BNC2: variants seen among roughly 807,000 people sequenced by gnomAD.
BNC2 encodes zinc finger protein basonuclin-2.
A neutral mutation model predicts 76.3 loss-of-function variants in BNC2; 20 were observed. The ratio of observed to expected loss-of-function variants is 0.26; its 90% CI spans 0.18 to 0.38. The LOEUF (loss-of-function observed/expected upper bound fraction) is 0.38, where lower values mean the gene tolerates loss of function less well. Among genes scored for constraint, BNC2 ranks in the 10% least tolerant of loss-of-function variants. The pLI, the probability that BNC2 is intolerant of heterozygous loss-of-function variation, is 1.00. For missense variants in BNC2, 1,382 were observed against 1,399.8 expected (o/e 0.99, Z 0.20); for synonymous variants, 582 against 514.8 (o/e 1.13, Z -1.77).
chr9:16,580,814 ATTAG>A (rs1819611782), intron 4 of BNC2, among the ~76,000 whole-genome samples: 1 of 152,178 alleles, frequency 6.6e-6, no homozygotes, highest in Non-Finnish European at 1.5e-5. Context: ...TTTAATATGT[ATTAG>A]TTAGAAAGGC....
In BNC2 at chr9:16,463,692, G is replaced by A. The variant is rs144839947; in HGVS notation, c.670-26168C>T. ...TAAATTTCCATTTGTTGCAAATGAC[G>A]GTTACATATTAACAATGATAGGAGA... is the stretch of plus-strand genomic sequence containing the variant. On this transcript the variant is annotated intron_variant, in intron 5 of 6. Coordinates refer to ENST00000380672, the MANE Select transcript of BNC2 (RefSeq NM_017637.6). Among the ~76,000 whole-genome samples the A allele has an allele frequency of 4.7e-3, 721 of 152,152 alleles. 5 individuals are homozygous for A. The highest frequency in any genetic ancestry group is 0.017 in the African/African-American group (687 of 41,502).
intron 3 of BNC2, among the ~76,000 whole-genome samples, chr9:16,668,168 C>A (rs891109966): frequency 2.0e-5 from 3 of 152,086 alleles, no homozygotes; most frequent in African/African-American, 7.2e-5. Context: ...AGGAAGGAGA[C>A]CTCACTGGGA....
At chr9:16,676,975 C>A (rs138973146) in intron 3 of BNC2, among the ~76,000 whole-genome samples, 3 of 152,182 alleles carry the variant, frequency 2.0e-5, no homozygotes, top group African/African-American at 2.4e-5. Context: ...TTATCTTGTT[C>A]CAAAATTTTC....
At chr9:16,599,726 T>C (rs1300325809) in intron 3 of BNC2, among the ~76,000 whole-genome samples, 3 of 152,154 alleles carry the variant, frequency 2.0e-5, no homozygotes, top group Admixed American at 1.3e-4. Context: ...GAGGTTGCAG[T>C]GAACCGAGAT....
intron 1 of BNC2, among the ~76,000 whole-genome samples, chr9:16,844,181 G>A (rs146685815): frequency 1.1e-3 from 169 of 151,708 alleles, no homozygotes; most frequent in African/African-American, 3.8e-3. Context: ...ATTACAGACA[G>A]GAGTTTCAAC....
At chr9:16,740,099 G>A (rs1180256858) in intron 1 of BNC2, among the ~76,000 whole-genome samples, 1 of 152,222 alleles carries the variant, frequency 6.6e-6, no homozygotes, top group African/African-American at 2.4e-5. Context: ...GCGTTAACAG[G>A]AGCATCGTGA....
intron 1 of BNC2, among the ~76,000 whole-genome samples, chr9:16,809,537 T>C (rs1356949538): frequency 1.3e-5 from 2 of 152,056 alleles, no homozygotes; most frequent in African/African-American, 4.8e-5. Context: ...CAAACGAGGG[T>C]GTACCTGCTG....
At chr9:16,425,416 C>T (rs1328816739) in intron 6 of BNC2, among the ~76,000 whole-genome samples, 1 of 152,136 alleles carries the variant, frequency 6.6e-6, no homozygotes, top group Non-Finnish European at 1.5e-5. Flanking sequence ...CTGCCATCCC[C>T]GTATGGCCCC....
At chr9:16,491,413 G>C (rs373878617) in intron 5 of BNC2, among the ~76,000 whole-genome samples, 3 of 152,306 alleles carry the variant, frequency 2.0e-5, no homozygotes, top group African/African-American at 7.2e-5. Flanking sequence ...ACAAGATCTG[G>C]TAATGACAAA....
chr9:16,857,946 T>A (rs1819303972), intron 1 of BNC2, among the ~76,000 whole-genome samples: 1 of 152,254 alleles, frequency 6.6e-6, no homozygotes, highest in South Asian at 2.1e-4. Flanking sequence ...CAAGTTTCTC[T>A]AATTCAACGA....
At chr9:16,482,730 A>T (rs1452904017) in intron 5 of BNC2, among the ~76,000 whole-genome samples, 2 of 152,196 alleles carry the variant, frequency 1.3e-5, no homozygotes, top group Non-Finnish European at 2.9e-5. Context: ...TGTGTTTCTA[A>T]TTTAAATGAA....
At chr9:16,792,933 T>C (rs546174182) in intron 1 of BNC2, among the ~76,000 whole-genome samples, 1 of 152,354 alleles carries the variant, frequency 6.6e-6, no homozygotes, top group Non-Finnish European at 1.5e-5. Context: ...AGTGGATTCC[T>C]CTCTAAATAT....
At chr9:16,438,260 G>A (rs756475302) in intron 5 of BNC2, among the ~76,000 whole-genome samples, 2 of 152,130 alleles carry the variant, frequency 1.3e-5, no homozygotes, top group Non-Finnish European at 2.9e-5. Flanking sequence ...TAGACTTAAT[G>A]TATTTGACTT....
chr9:16,418,725 T>G lies in BNC2; in HGVS notation c.*264A>C. On this transcript the variant is annotated 3_prime_UTR_variant, in exon 7 of 7. Coordinates refer to ENST00000380672, the MANE Select transcript of BNC2 (RefSeq NM_017637.6). ...GTGTGTGTGTGTGTGTTTAAAGGGGTACTCTGTTTTCACCCTGAAATCAAA... is the reference window on the plus strand; with the variant it reads ...GTGTGTGTGTGTGTGTTTAAAGGGGGACTCTGTTTTCACCCTGAAATCAAA... The G allele has an allele frequency of 1.3e-5, 6 of 454,082 alleles. No individual in the cohort carries two copies. Among genetic ancestry groups the G allele is most frequent in the Non-Finnish European group, 1.6e-5 (4 of 248,894 alleles). 28.1% of individuals were successfully genotyped at this position (454,082 alleles called of 1,614,324 possible).
At chr9:16,495,360 A>T (rs940478640) in intron 5 of BNC2, among the ~76,000 whole-genome samples, 1 of 152,196 alleles carries the variant, frequency 6.6e-6, no homozygotes, top group Admixed American at 6.5e-5. Context: ...CATGCCATGA[A>T]CTCTGAGGAT....
intron 3 of BNC2, among the ~76,000 whole-genome samples, chr9:16,663,199 G>A (rs545176088): frequency 2.1e-5 from 3 of 142,022 alleles, no homozygotes; most frequent in Non-Finnish European, 3.0e-5. Context: ...GCGCAATCCC[G>A]GCTCACTGCA....
intron 1 of BNC2, among the ~76,000 whole-genome samples, chr9:16,759,954 A>C (rs1303746756): frequency 6.6e-6 from 1 of 152,046 alleles, no homozygotes; most frequent in Non-Finnish European, 1.5e-5. Flanking sequence ...GGATTTCCTG[A>C]CCTCGTGATC....
At chr9:16,801,403 A>AT (rs11413212) in intron 1 of BNC2, among the ~76,000 whole-genome samples, 31,943 of 144,626 alleles carry the variant, frequency 0.22, 3,986 homozygotes, top group Admixed American at 0.37. Context: ...TAATTTTTCT[A>AT]TTTTTTTTTT....
intron 5 of BNC2, among the ~76,000 whole-genome samples, chr9:16,449,994 C>T (rs1397832920): frequency 6.6e-6 from 1 of 152,144 alleles, no homozygotes; most frequent in Non-Finnish European, 1.5e-5. Context: ...CCACACTCTT[C>T]AGCTGGCATC....
Sources: gnomAD v4.1 joint callset for allele counts (sites outside exome capture counted in the v4.1 genomes callset) on GRCh38, gnomAD v4.1.1 for gene constraint, MANE v1.5 for transcripts, NCBI Gene and HGNC (gene_info 2026-07-23, HGNC 2026-07-21) for gene names.